The following MED13 variants were observed in gnomAD, a reference collection of about 807,000 sequenced individuals.
The protein encoded by MED13 is mediator of RNA polymerase II transcription subunit 13.
Under a neutral mutation model 225.2 loss-of-function variants are expected in MED13, and 23 were observed. That is an observed-to-expected ratio of 0.10 (90% confidence interval 0.07 to 0.14). The LOEUF is 0.14. MED13 is among the 10% of genes least tolerant of loss of function. The probability of loss-of-function intolerance (pLI) is 1.00; values close to 1 mark genes in which losing one functional copy is unlikely to be tolerated. For synonymous variants in MED13, 942 were observed against 889.2 expected, an observed-to-expected ratio of 1.06 and a Z score of -1.06; for missense variants, 2,197 against 2,594.5, an observed-to-expected ratio of 0.85 and a Z score of 3.33.
rs532593278 is a variant in MED13 at position 61,982,775 on chromosome 17, G to A, written c.3228C>T (p.Ile1076=). The stretch of plus-strand genomic sequence containing the variant: ...ACAAATTCATAACTGATTCTGAAAG[G>A]ATGAGGTTTACATAAAGACTGTGTG... ...PEAHSLYVNL[I]LSESVMNLFK... is the part of the protein sequence containing the mutation. Residue 1076 remains isoleucine (I), a synonymous_variant, in exon 16 of 30, where the codon ATC becomes ATT. Transcript: ENST00000397786. 6.2e-7 allele frequency: 1 copy of A among 1,614,176 alleles called. No individual in the cohort carries two copies. Among genetic ancestry groups the A allele is most frequent in the South Asian group, 1.1e-5 (1 of 91,082 alleles).
chr17:62,042,798 A>G (rs2080864652), intron 3 of MED13, among the ~76,000 whole-genome samples: 2 of 152,014 alleles, frequency 1.3e-5, no homozygotes. Flanking sequence ...AACACTTGAT[A>G]GCTGTATGAG....
intron 9 of MED13, among the ~76,000 whole-genome samples, chr17:61,998,465 G>A (rs1452433277): frequency 6.6e-6 from 1 of 152,100 alleles, no homozygotes; most frequent in Admixed American, 6.6e-5. Context: ...ATGCTGTTAT[G>A]CCTTTATTCA....
chr17:62,025,247 G>A (rs1457433693), intron 8 of MED13, among the ~76,000 whole-genome samples: 1 of 152,196 alleles, frequency 6.6e-6, no homozygotes, highest in East Asian at 1.9e-4. Flanking sequence ...CAGACAATAT[G>A]TAAATAAATG....
chr17:62,033,204 A>G (rs1195567578), intron 5 of MED13, among the ~76,000 whole-genome samples: 1 of 152,066 alleles, frequency 6.6e-6, no homozygotes, highest in East Asian at 1.9e-4. Context: ...AAAAAATCTG[A>G]CCCTTTTGGC....
chr17:62,062,851 G>A (rs1331344778), intron 2 of MED13, among the ~76,000 whole-genome samples: 1 of 152,118 alleles, frequency 6.6e-6, no homozygotes, highest in South Asian at 2.1e-4. Context: ...GTGGTGGAAG[G>A]AGAAAGTCAT....
intron 9 of MED13, among the ~76,000 whole-genome samples, chr17:61,999,243 T>C (rs1394303557): frequency 6.6e-6 from 1 of 152,208 alleles, no homozygotes; most frequent in Non-Finnish European, 1.5e-5. Flanking sequence ...ATGGCTAAGA[T>C]ATCCTGATAT....
intron 3 of MED13, among the ~76,000 whole-genome samples, chr17:62,050,542 CAAGAAT>C (rs2080947828): frequency 2.0e-5 from 3 of 150,612 alleles, no homozygotes; most frequent in Admixed American, 2.0e-4. Context: ...AATGATAACT[CAAGAAT>C]AAGCATGTTA....
chr17:62,025,668 T>A (rs4968466), intron 8 of MED13, among the ~76,000 whole-genome samples: 57,667 of 151,940 alleles, frequency 0.38, 13,528 homozygotes, highest in East Asian at 0.72. Context: ...TCAAACAAAT[T>A]AAAAAAAATC....
At chr17:61,991,244 A>C (rs896015507) in intron 11 of MED13, among the ~76,000 whole-genome samples, 38 of 151,622 alleles carry the variant, frequency 2.5e-4, no homozygotes, top group African/African-American at 9.2e-4. Flanking sequence ...TCAGCCTCCC[A>C]AGTAGCTGGG....
In MED13 at chr17:61,946,422, T is replaced by G. The variant is rs764710951; in HGVS notation, c.*46A>C. ...TGTAACTTAATCCTGCAGCGAAACATCCATTTTTCCTTGTTCTTTTCTTGC... is the reference window on the plus strand; with the variant it reads ...TGTAACTTAATCCTGCAGCGAAACAGCCATTTTTCCTTGTTCTTTTCTTGC... On this transcript the variant is annotated 3_prime_UTR_variant, in exon 30 of 30. Transcript: ENST00000397786. 1 of 1,591,474 alleles carries G rather than the reference T, an allele frequency of 6.3e-7. No individual in the cohort carries two copies.
In MED13 at chr17:62,005,873, G is replaced by A. The variant is rs543225181; in HGVS notation, c.1967+4677C>T. 3 of 152,272 alleles carry A rather than the reference G, an allele frequency of 2.0e-5. No individual in the cohort carries two copies. The South Asian group carries it at 6.2e-4, about 32-fold the overall frequency. The allele number at this position is 152,272 out of a possible 1,614,324, so 9.4% of individuals were successfully genotyped here. A position where few individuals can be genotyped will look rare whatever the true frequency, so the allele number is the denominator to read the frequency against. Reference sequence around the variant, plus strand: ...TTCACCAGTCGTCAGGCAACCTGGAGGTCACCATACTGATGCTGAACTTGA... The same window carrying A: ...TTCACCAGTCGTCAGGCAACCTGGAAGTCACCATACTGATGCTGAACTTGA... On this transcript the variant is annotated intron_variant, in intron 9 of 29. Coordinates refer to ENST00000397786, the MANE Select transcript of MED13 (RefSeq NM_005121.3).
chr17:61,994,666 T>C (rs868481636), intron 10 of MED13, among the ~76,000 whole-genome samples: 1 of 152,234 alleles, frequency 6.6e-6, no homozygotes, highest in African/African-American at 2.4e-5. Context: ...AGGTCAGCTA[T>C]AATTGGTACC....
In MED13 at chr17:61,985,037, T is replaced by C. The variant is rs866924135; in HGVS notation, c.2439A>G (p.Glu813=). 10 of 1,614,084 alleles carry C rather than the reference T, an allele frequency of 6.2e-6. No homozygotes were observed. The Middle Eastern group carries it at 8.3e-4, about 133-fold the overall frequency. ...ACGGGTCCAGATTTCCTGTCTTTGA[T>C]TCCTTGCAGCTGGCTTTATCATCTG... ...NGSDDKASCK[E]SKTGNLDPLS... Residue 813 remains glutamate (E), a synonymous_variant, in exon 13 of 30, where the codon GAA becomes GAG. Transcript: ENST00000397786.
At chr17:62,052,128 G>C (rs1346857955) in intron 3 of MED13, among the ~76,000 whole-genome samples, 2 of 151,978 alleles carry the variant, frequency 1.3e-5, no homozygotes, top group Non-Finnish European at 2.9e-5. Flanking sequence ...GAATAAGAAG[G>C]GTTAACTTGA....
intron 3 of MED13, among the ~76,000 whole-genome samples, chr17:62,050,063 G>A (rs2080942350): frequency 6.6e-6 from 1 of 151,542 alleles, no homozygotes; most frequent in African/African-American, 2.4e-5. Flanking sequence ...GGCAAGATAA[G>A]GAAAGGGAGA....
intron 26 of MED13, among the ~76,000 whole-genome samples, chr17:61,953,953 G>A (rs900157379): frequency 1.3e-5 from 2 of 152,166 alleles, no homozygotes; most frequent in Non-Finnish European, 2.9e-5. Context: ...CTATGATGGA[G>A]TTTCAATGAT....
In MED13 at chr17:62,029,635, A is replaced by T; in HGVS notation, c.1189T>A (p.Ser397Thr). 6.2e-7 allele frequency: 1 copy of T among 1,613,250 alleles called. No homozygotes were observed. The highest frequency in any genetic ancestry group is 8.5e-7 in the Non-Finnish European group (1 of 1,179,596). The change falls in exon 8 of 30, where the codon TCA becomes ACA. Residue 397 changes from serine to threonine, a missense_variant. Physicochemically the swap from Ser to Thr is moderately conservative, Grantham distance 58. Around this residue, in one of 12 missense-constraint regions of MED13, gnomAD observed 884 missense variants for 918.5 expected, o/e 0.96. Coordinates refer to ENST00000397786, the MANE Select transcript of MED13 (RefSeq NM_005121.3). ...GCTTCTTCGCATAGACCACCTGATG[A>T]AGCAGAATACTTCCTCCTAAGATTT... is the stretch of plus-strand genomic sequence containing the variant. Reference protein sequence around the residue: ...RAQNKRKYSASSGGLCEEATA... With the variant: ...RAQNKRKYSATSGGLCEEATA...
intron 12 of MED13, among the ~76,000 whole-genome samples, chr17:61,985,534 G>C (rs1333206219): frequency 6.6e-6 from 1 of 152,064 alleles, no homozygotes; most frequent in African/African-American, 2.4e-5. Context: ...AAATTAGCTG[G>C]GTGGGGCATG....
At position 61,982,453 on chromosome 17, in the gene MED13, A is replaced by G; in HGVS notation, c.3550T>C (p.Leu1184=). 6.2e-7 allele frequency: 1 copy of G among 1,614,218 alleles called. No individual in the cohort carries two copies. The part of the protein sequence containing the change: ...VNGGLKESEK[L]SDDLILLLQD... ...AGCAATAATATCAAATCATCAGATA[A>G]TTTTTCAGATTCCTTTAGTCCTCCA... is the stretch of plus-strand genomic sequence containing the variant. The change falls in exon 16 of 30, where the codon TTA becomes CTA. Residue 1184 remains leucine, a synonymous_variant. Coordinates refer to ENST00000397786, the MANE Select transcript of MED13 (RefSeq NM_005121.3).
Sources: gnomAD v4.1 joint callset for allele counts (sites outside exome capture counted in the v4.1 genomes callset) on GRCh38, gnomAD v4.1.1 for gene constraint, gnomAD v4.1.1 regional missense constraint, MANE v1.5 for transcripts, NCBI Gene and HGNC (gene_info 2026-07-23, HGNC 2026-07-21) for gene names.